Variants in RAD9B observed in about 807,000 individuals in gnomAD.
RAD9B encodes cell cycle checkpoint control protein RAD9B.
A neutral mutation model predicts 48.3 loss-of-function variants in RAD9B; 41 were observed. The observed-to-expected ratio is 0.85, with a 90% confidence interval of 0.66 to 1.10. RAD9B has a LOEUF of 1.10. RAD9B is among the 50% of genes least tolerant of loss of function. The pLI is 0.00. For synonymous variants in RAD9B, 160 were observed against 157.9 expected, an observed-to-expected ratio of 1.01 and a Z score of -0.10; for missense variants, 444 against 485.1, an observed-to-expected ratio of 0.92 and a Z score of 0.80.
intron 10 of RAD9B, among the ~76,000 whole-genome samples, chr12:110,529,674 T>C (rs1404159617): frequency 6.6e-6 from 1 of 151,216 alleles, no homozygotes; most frequent in African/African-American, 2.4e-5. Flanking sequence ...TGCCCAGGAG[T>C]TTGAGGCTGC....
chr12:110,530,467 AT>A, intron 10 of RAD9B, 57 bp from the exon 11 acceptor site: 1 of 1,561,154 alleles, frequency 6.4e-7, no homozygotes, highest in Non-Finnish European at 8.8e-7. Flanking sequence ...CACCTGGAGC[AT>A]TTAATGAGCA....
At chr12:110,517,822 A>G (rs1400682194) in intron 6 of RAD9B, among the ~76,000 whole-genome samples, 1 of 151,956 alleles carries the variant, frequency 6.6e-6, no homozygotes, top group East Asian at 1.9e-4. Context: ...ATTGACATGG[A>G]AAAATAGCCA....
At chr12:110,525,953 G>A (rs561837351) in intron 10 of RAD9B, among the ~76,000 whole-genome samples, 2 of 152,302 alleles carry the variant, frequency 1.3e-5, no homozygotes, top group Non-Finnish European at 2.9e-5. Flanking sequence ...GCCTCCCAAA[G>A]TGCTGGGATT....
At chr12:110,514,908 A>C in intron 5 of RAD9B, 142 bp from the exon 6 acceptor site, 1 of 560,576 alleles carries the variant, frequency 1.8e-6, no homozygotes, top group East Asian at 3.0e-5. Context: ...ATAAGAAAGA[A>C]GGTAGGAGTT....
chr12:110,522,450 T>G, intron 10 of RAD9B, 39 bp downstream of exon 10: 1 of 1,394,976 alleles, frequency 7.2e-7, no homozygotes, highest in Non-Finnish European at 1.0e-6. Context: ...CAGTCAAGAA[T>G]TCTCATCTGT....
rs527394700 is a variant in RAD9B at position 110,510,639 on chromosome 12, C to T, written c.389-2140C>T. 2.0e-5 allele frequency among the ~76,000 whole-genome samples: 3 copies of T among 152,276 alleles called. No individual in the cohort carries two copies. The South Asian group carries it at 6.2e-4, about 32-fold the overall frequency. On this transcript the variant is annotated intron_variant, in intron 4 of 10. Coordinates refer to ENST00000409300, the MANE Select transcript of RAD9B (RefSeq NM_001286535.2). ...TGAAAGTGAGGCCATCCTAGCTACC[C>T]CACAGGGATATTGTGAGGATCAGAG...
At chr12:110,515,624 G>C (rs1017988465) in intron 6 of RAD9B, among the ~76,000 whole-genome samples, 4 of 152,186 alleles carry the variant, frequency 2.6e-5, no homozygotes, top group Admixed American at 1.3e-4. Context: ...TTGCACCATT[G>C]CACTCCATTG....
intron 2 of RAD9B, among the ~76,000 whole-genome samples, chr12:110,504,475 T>A (rs1593028739): frequency 9.1e-6 from 1 of 109,834 alleles, no homozygotes; most frequent in Non-Finnish European, 1.8e-5. Context: ...TGAGACTCCG[T>A]CCCAAAAAAA....
chr12:110,509,248 A>G (rs1248142409), intron 4 of RAD9B, among the ~76,000 whole-genome samples: 5 of 151,726 alleles, frequency 3.3e-5, no homozygotes, highest in African/African-American at 9.7e-5. Flanking sequence ...AATTACAGGC[A>G]TAAGCCACCA....
chr12:110,507,383 TTA>T (rs202237506), intron 4 of RAD9B, among the ~76,000 whole-genome samples: 37 of 143,028 alleles, frequency 2.6e-4, no homozygotes, highest in East Asian at 2.5e-3. Context: ...AATATATGTA[TTA>T]TATATAATAT....
intron 10 of RAD9B, 78 bp from the exon 11 acceptor site, chr12:110,530,447 G>A (rs2064102478): frequency 2.2e-6 from 3 of 1,342,730 alleles, no homozygotes; most frequent in South Asian, 1.2e-5. Context: ...AGGTTTCTGA[G>A]GAGGGCTGTC....
rs150355217 is a variant in RAD9B at position 110,512,967 on chromosome 12, C to T, written c.488+89C>T. ...CAATGCCCTAGAGCTTTTCAGTCGG[C>T]ACATTTTTTTTTTTTTTATATGGAG... On this transcript the variant is annotated intron_variant, in intron 5 of 10. Transcript: ENST00000409300. The T allele has an allele frequency of 7.3e-3, 4,830 of 658,684 alleles. 20 individuals are homozygous for T. The highest frequency in any genetic ancestry group is 8.4e-3 in the Non-Finnish European group (3,285 of 389,588). 40.8% of individuals were successfully genotyped at this position (658,684 alleles called of 1,614,324 possible).
In RAD9B at chr12:110,522,042, A is replaced by C. The variant is rs1380382552; in HGVS notation, c.891-135A>C. The C allele has an allele frequency of 4.0e-5, 25 of 618,480 alleles. No homozygotes were observed. The East Asian group carries it at 4.5e-4, about 11-fold the overall frequency. The allele number at this position is 618,480 out of a possible 1,614,324, so 38.3% of individuals were successfully genotyped here. On this transcript the variant is annotated intron_variant, in intron 9 of 10. Coordinates refer to ENST00000409300, the MANE Select transcript of RAD9B (RefSeq NM_001286535.2). ...ATCATATATATAAATTTTAACTTGC[A>C]ACAATTTAGTTCCATGTATTTCAAT...
At chr12:110,529,200 G>GTGGCTCAA (rs535897241) in intron 10 of RAD9B, among the ~76,000 whole-genome samples, 37 of 152,104 alleles carry the variant, frequency 2.4e-4, no homozygotes, top group Non-Finnish European at 5.3e-4. Flanking sequence ...CAGGCTGGCA[G>GTGGCTCAA]TGGCTCAATC....
rs1020788983 is a variant in RAD9B, at chr12:110,502,367, C to A, written c.30C>A (p.Ser10Arg). The stretch of plus-strand genomic sequence containing the variant: ...CAGCCATGCTGAAGTGCGTGATGAG[C>A]GGCAGTCAGGTGAAAGGTGGAGCGG... Reference protein sequence around the residue: MAAMLKCVMSGSQVKVFGKA... With the variant: MAAMLKCVMRGSQVKVFGKA... Residue 10 changes from serine to arginine, a missense_variant, in exon 1 of 11, where the codon AGC (serine) becomes AGA (arginine). Transcript: ENST00000409300. 1.2e-6 allele frequency: 2 copies of A among 1,613,748 alleles called. No individual in the cohort carries two copies. The highest frequency in any genetic ancestry group is 1.7e-5 in the Admixed American group (1 of 59,978).
In RAD9B at chr12:110,530,845, G is replaced by T; in HGVS notation, c.*192G>T. Reference sequence around the variant, plus strand: ...GCTGTTTGTCAAGTGTATGTAACTTGCTTTAAATCCATTATGCTACTTGTG... The same window carrying T: ...GCTGTTTGTCAAGTGTATGTAACTTTCTTTAAATCCATTATGCTACTTGTG... On this transcript the variant is annotated 3_prime_UTR_variant, in exon 11 of 11. Coordinates refer to ENST00000409300, the MANE Select transcript of RAD9B (RefSeq NM_001286535.2). The T allele has an allele frequency of 7.4e-7, 1 of 1,352,210 alleles. No homozygotes were observed. The highest frequency in any genetic ancestry group is 9.5e-7 in the Non-Finnish European group (1 of 1,050,936). The allele number at this position is 1,352,210 out of a possible 1,614,324, so 83.8% of individuals were successfully genotyped here. A position where few individuals can be genotyped will look rare whatever the true frequency, so the allele number is the denominator to read the frequency against.
At chr12:110,524,696 T>C (rs1453664971) in intron 10 of RAD9B, among the ~76,000 whole-genome samples, 1 of 151,790 alleles carries the variant, frequency 6.6e-6, no homozygotes, top group Non-Finnish European at 1.5e-5. Flanking sequence ...GGTCAAGAGA[T>C]CGAGACCATC....
In RAD9B at chr12:110,531,709, G is replaced by A. The variant is rs751824404; in HGVS notation, c.*1056G>A. Reference sequence around the variant, plus strand: ...TGGAAGACAAATGTCTCTGTTCTTTGGCCCTTTAAGAGTTAGCTTTTTACC... The same window carrying A: ...TGGAAGACAAATGTCTCTGTTCTTTAGCCCTTTAAGAGTTAGCTTTTTACC... On this transcript the variant is annotated 3_prime_UTR_variant, in exon 11 of 11. Coordinates refer to ENST00000409300, the MANE Select transcript of RAD9B (RefSeq NM_001286535.2). 11 of 1,407,612 alleles carry A rather than the reference G, an allele frequency of 7.8e-6. No homozygotes were observed. In the Middle Eastern group the frequency reaches 7.1e-4, roughly 90 times the overall value. The allele number at this position is 1,407,612 out of a possible 1,614,324, so 87.2% of individuals were successfully genotyped here. A position where few individuals can be genotyped will look rare whatever the true frequency, so the allele number is the denominator to read the frequency against.
At chr12:110,512,965 G>A (rs1226307585) in intron 5 of RAD9B, 87 bp downstream of exon 5, 11 of 679,564 alleles carry the variant, frequency 1.6e-5, no homozygotes, top group South Asian at 7.2e-5. Flanking sequence ...CTTTTCAGTC[G>A]GCACATTTTT....
Sources: allele counts gnomAD v4.1 joint callset (sites outside exome capture counted in the v4.1 genomes callset), GRCh38; gene constraint gnomAD v4.1.1; transcripts MANE v1.5; gene names NCBI Gene and HGNC (gene_info 2026-07-23, HGNC 2026-07-21).